The following IP6K2 variants were observed in gnomAD, a reference collection of about 807,000 sequenced individuals.
The protein encoded by IP6K2 is inositol hexakisphosphate kinase 2.
Under a neutral mutation model 43.3 loss-of-function variants are expected in IP6K2, and 9 were observed. The ratio of observed to expected loss-of-function variants is 0.21; its 90% CI spans 0.13 to 0.36. The LOEUF is 0.36. IP6K2 is among the 10% of genes least tolerant of loss of function. IP6K2 has a pLI of 1.00. For synonymous variants in IP6K2, 209 were observed against 202.4 expected, an observed-to-expected ratio of 1.03 and a Z score of -0.28; for missense variants, 332 against 538.4, an observed-to-expected ratio of 0.62 and a Z score of 3.79.
At chr3:48,689,507 A>T in intron 5 of IP6K2, 31 bp downstream of exon 5, 2 of 1,590,500 alleles carry the variant, frequency 1.3e-6, no homozygotes, top group Non-Finnish European at 1.7e-6. Flanking sequence ...CAGCCACTGG[A>T]TGCCCTAGCC....
At chr3:48,706,748 G>A (rs1457079427) in intron 1 of IP6K2, among the ~76,000 whole-genome samples, 1 of 152,120 alleles carries the variant, frequency 6.6e-6, no homozygotes, top group Non-Finnish European at 1.5e-5. Context: ...GCTGAAGCAG[G>A]AGAATAGCTT....
intron 4 of IP6K2, among the ~76,000 whole-genome samples, chr3:48,690,730 A>G (rs1482703304): frequency 6.7e-6 from 1 of 150,116 alleles, no homozygotes; most frequent in Non-Finnish European, 1.5e-5. Flanking sequence ...CGGAGGTTGC[A>G]GTGAGCTGAG....
chr3:48,715,490 G>C (rs1418592058), intron 1 of IP6K2: 1 of 1,532,300 alleles, frequency 6.5e-7, no homozygotes, highest in African/African-American at 1.4e-5. Flanking sequence ...GACAGATACA[G>C]GGCTAGCATA....
At chr3:48,715,610 C>T in intron 1 of IP6K2, 2 of 700,186 alleles carry the variant, frequency 2.9e-6, no homozygotes, top group Middle Eastern at 7.9e-4. Flanking sequence ...CCTCCCTACC[C>T]AGGCCCTGCA....
chr3:48,704,836 G>T (rs572647626), intron 1 of IP6K2, among the ~76,000 whole-genome samples: 1 of 151,626 alleles, frequency 6.6e-6, no homozygotes, highest in African/African-American at 2.4e-5. Context: ...TAGAGTGCAT[G>T]ATCTCACCTC....
chr3:48,713,915 G>A (rs1825929), intron 1 of IP6K2, among the ~76,000 whole-genome samples: 1 of 150,976 alleles, frequency 6.6e-6, no homozygotes, highest in Non-Finnish European at 1.5e-5. Flanking sequence ...TCAGGAGTTC[G>A]AGGCCAGCCT....
intron 1 of IP6K2, chr3:48,699,726 T>C (rs1234974305): frequency 6.6e-6 from 1 of 152,228 alleles, no homozygotes; most frequent in Non-Finnish European, 1.5e-5. Flanking sequence ...GTACCAGTTC[T>C]GCTACTCAAT....
chr3:48,699,016 C>G (rs1007883037), intron 1 of IP6K2, among the ~76,000 whole-genome samples: 2 of 152,176 alleles, frequency 1.3e-5, no homozygotes, highest in Non-Finnish European at 2.9e-5. Flanking sequence ...TACTCAGTTA[C>G]GTAGAAAAAT....
At chr3:48,694,191 G>A (rs2078051670) in intron 2 of IP6K2, 1 of 1,551,196 alleles carries the variant, frequency 6.4e-7, no homozygotes, top group Non-Finnish European at 8.7e-7. Context: ...AGGACCAGGG[G>A]AAAAAATGGG....
chr3:48,691,593 A>G (rs1450304572), intron 3 of IP6K2, 111 bp from the exon 4 acceptor site: 10 of 688,626 alleles, frequency 1.5e-5, no homozygotes. Flanking sequence ...AGATGGGCAG[A>G]TCACTTGAGA....
In IP6K2 at chr3:48,688,751, T is replaced by A. The variant is rs1423460016; in HGVS notation, c.803A>T (p.Gln268Leu). The A allele has an allele frequency of 6.2e-7, 1 of 1,612,162 alleles. No individual in the cohort carries two copies. Among genetic ancestry groups the A allele is most frequent in the African/African-American group, 1.3e-5 (1 of 75,020 alleles). ...GMQVYQAGSG[Q>L]LMFMNKYHGR... The stretch of plus-strand genomic sequence containing the variant: ...ATGGTACTTGTTCATGAACATGAGC[T>A]GCCCACTGCCTGCTTGGTACACCTG... Residue 268 changes from glutamine (Q) to leucine (L), a missense_variant, in exon 6 of 6, where the codon CAG becomes CTG. Physicochemically the swap from Gln to Leu is moderately radical, Grantham distance 113 (BLOSUM62 -2). Coordinates refer to ENST00000328631, the MANE Select transcript of IP6K2 (RefSeq NM_016291.4). The surrounding 1 kb of genome is among the most constrained non-coding windows in gnomAD (Gnocchi z 5.1).
At chr3:48,703,614 G>A (rs2079329588) in intron 1 of IP6K2, among the ~76,000 whole-genome samples, 1 of 151,748 alleles carries the variant, frequency 6.6e-6, no homozygotes, top group Non-Finnish European at 1.5e-5. Context: ...CAACTCAGGA[G>A]GCTGAGGCAG....
Position 48,688,628 on chromosome 3 carries a change from T to C in IP6K2, c.926A>G (p.Lys309Arg), listed in dbSNP as rs768475478. Residue 309 changes from lysine to arginine, a missense_variant, in exon 6 of 6, where the codon AAG becomes AGG. By Grantham distance (26) the Lys-to-Arg change is conservative (BLOSUM62 2). Transcript: ENST00000328631. The surrounding 1 kb of genome is among the most constrained non-coding windows in gnomAD (Gnocchi z 5.1). ...CACTGCCTTGAGCTCAGTCAGCTTCTTGAGCACAGGGCCCAGGAGTTCACG... is the reference window on the plus strand; with the variant it reads ...CACTGCCTTGAGCTCAGTCAGCTTCCTGAGCACAGGGCCCAGGAGTTCACG... Reference protein sequence around the residue: ...LRRELLGPVLKKLTELKAVLE... With the variant: ...LRRELLGPVLRKLTELKAVLE... 1 of 1,614,260 alleles carries C rather than the reference T, an allele frequency of 6.2e-7. No homozygotes were observed. The highest frequency in any genetic ancestry group is 1.1e-5 in the South Asian group (1 of 91,080).
Position 48,693,014 on chromosome 3 carries a change from T to C in IP6K2, c.368A>G (p.Glu123Gly), listed in dbSNP as rs1222089878. 1 of 1,614,156 alleles carries C rather than the reference T, an allele frequency of 6.2e-7. No homozygotes were observed. Among genetic ancestry groups the C allele is most frequent in the Admixed American group, 1.7e-5 (1 of 60,016 alleles). The change falls in exon 3 of 6, where the codon GAA (glutamate) becomes GGA (glycine). Residue 123 changes from glutamate to glycine, a missense_variant. Glu to Gly is a moderately conservative substitution (Grantham distance 98, BLOSUM62 -2). Transcript: ENST00000328631. ...CCAGTCCTTAGGGGTCTTTTCTGTT[T>C]CTAAGACATGATGTTTTTTGTTTGT... ...WTTNKKHHVLETEKTPKDWVR... is the reference protein window; with the variant it reads ...WTTNKKHHVLGTEKTPKDWVR...
At position 48,694,926 on chromosome 3, in the gene IP6K2, G is replaced by A. The variant is rs778746899; in HGVS notation, c.202+164C>T. The A allele has an allele frequency of 2.1e-5, 33 of 1,552,074 alleles. No individual in the cohort carries two copies. The African/African-American group carries it at 4.0e-4, about 19-fold the overall frequency. On this transcript the variant is annotated intron_variant, in intron 2 of 5. Transcript: ENST00000328631. ...ACCAGGGATTGAAAACTGAGGGTGT[G>A]AGATGCTGGGCTGAGGGCCAGGAGG... is the stretch of plus-strand genomic sequence containing the variant.
rs1267796223 is a variant in IP6K2 at position 48,712,165 on chromosome 3, A to G, written c.-131+4992T>C. Among the ~76,000 whole-genome samples, 3 of 151,840 alleles carry G rather than the reference A, an allele frequency of 2.0e-5. No homozygotes were observed. The East Asian group carries it at 5.8e-4, about 29-fold the overall frequency. The stretch of plus-strand genomic sequence containing the variant: ...TCCTGGCGCTTGTGGATGCTGAAGC[A>G]GGAGGATTGCTTAATGCCAGGAGTT... On this transcript the variant is annotated intron_variant, in intron 1 of 5. Transcript: ENST00000328631.
chr3:48,709,735 G>A (rs1034134505), intron 1 of IP6K2, among the ~76,000 whole-genome samples: 7 of 151,926 alleles, frequency 4.6e-5, no homozygotes, highest in African/African-American at 1.7e-4. Context: ...TACTGGGGAG[G>A]CTGAGGCAGG....
intron 1 of IP6K2, among the ~76,000 whole-genome samples, chr3:48,703,572 C>T (rs549563078): frequency 1.3e-5 from 2 of 150,996 alleles, no homozygotes; most frequent in East Asian, 3.9e-4. Flanking sequence ...AAAAAATTAG[C>T]CAGGCATGGT....
chr3:48,695,599 T>A lies in IP6K2; in HGVS notation c.-130-178A>T, dbSNP rs2078250035. ...CTCCGGCAGAAAAACAAAAACACTA[T>A]GAGCTCATGGGGCGGGGTTAGATGC... On this transcript the variant is annotated intron_variant, in intron 1 of 5. Transcript: ENST00000328631. The surrounding 1 kb of genome is among the most constrained non-coding windows in gnomAD (Gnocchi z 4.6). 1 of 758,566 alleles carries A rather than the reference T, an allele frequency of 1.3e-6. No individual in the cohort carries two copies. Among genetic ancestry groups the A allele is most frequent in the Non-Finnish European group, 1.8e-6 (1 of 548,156 alleles). 47.0% of individuals were successfully genotyped at this position (758,566 alleles called of 1,614,324 possible). A position where few individuals can be genotyped will look rare whatever the true frequency, so the allele number is the denominator to read the frequency against.
Sources: allele counts gnomAD v4.1 joint callset (sites outside exome capture counted in the v4.1 genomes callset), GRCh38; gene constraint gnomAD v4.1.1; non-coding constraint Gnocchi (gnomAD v3.1); transcripts MANE v1.5; gene names NCBI Gene and HGNC (gene_info 2026-07-23, HGNC 2026-07-21).